USP49: variants seen among roughly 807,000 people sequenced by gnomAD.
USP49 encodes the protein ubiquitin carboxyl-terminal hydrolase 49.
A neutral mutation model predicts 58.6 loss-of-function variants in USP49; 24 were observed. The observed-to-expected ratio is 0.41, with a 90% CI of 0.30 to 0.58. The LOEUF (loss-of-function observed/expected upper bound fraction) is 0.58, where lower values mean the gene tolerates loss of function less well. Ranked by LOEUF, USP49 falls within the 20% of genes least tolerant of loss-of-function variation. USP49 has a pLI of 0.30. For missense variants in USP49, 703 were observed against 866.1 expected (o/e 0.81, Z 2.36); for synonymous variants, 408 against 365.1 (o/e 1.12, Z -1.34).
At chr6:41,877,725 T>C (rs146829494) in intron 2 of USP49, among the ~76,000 whole-genome samples, 1 of 151,904 alleles carries the variant, frequency 6.6e-6, no homozygotes, top group Non-Finnish European at 1.5e-5. Context: ...CACATCCAGG[T>C]AATTTTTGTA....
At chr6:41,892,515 C>T (rs914074730) in intron 1 of USP49, among the ~76,000 whole-genome samples, 9 of 152,258 alleles carry the variant, frequency 5.9e-5, no homozygotes, top group African/African-American at 2.2e-4. Flanking sequence ...CTAAATACAT[C>T]TAGTAACCTT....
At position 41,796,320 on chromosome 6, in the gene USP49, C is replaced by G; in HGVS notation, c.*213G>C. On this transcript the variant is annotated 3_prime_UTR_variant, in exon 8 of 8. Coordinates refer to ENST00000682992, the MANE Select transcript of USP49 (RefSeq NM_001286554.2). ...GAAAGGATCTTCATAGAAGTTACTT[C>G]TTTTGTTTTTAGGAAAGGAGGGAAC... is the stretch of plus-strand genomic sequence containing the variant. 2.1e-6 allele frequency: 1 copy of G among 486,580 alleles called. No homozygotes were observed. 30.1% of individuals were successfully genotyped at this position (486,580 alleles called of 1,614,324 possible).
intron 2 of USP49, among the ~76,000 whole-genome samples, chr6:41,873,732 T>C (rs1334110773): frequency 6.6e-6 from 1 of 152,248 alleles, no homozygotes. Flanking sequence ...AGGACACGTA[T>C]GTAACCATAT....
chr6:41,809,735 G>C (rs1374774472), intron 3 of USP49, among the ~76,000 whole-genome samples: 1 of 152,100 alleles, frequency 6.6e-6, no homozygotes, highest in Non-Finnish European at 1.5e-5. Context: ...GCTGAGGCAG[G>C]AGAATGGCGT....
In USP49 at chr6:41,799,077, CACTTATTT is replaced by C. The variant is rs1772946151; in HGVS notation, c.1671-156_1671-149del. On this transcript the variant is annotated intron_variant, in intron 6 of 7. Transcript: ENST00000682992. ...ATAAAATGGTGGTAATCAATGTTCA[CACTTATTT>C]ATTTATTTATTTATTTATTTATTTA... 7 of 621,940 alleles carry C rather than the reference CACTTATTT, an allele frequency of 1.1e-5. No homozygotes were observed. The East Asian group carries it at 1.5e-4, about 13-fold the overall frequency. The allele number at this position is 621,940 out of a possible 1,614,324, so 38.5% of individuals were successfully genotyped here.
intron 3 of USP49, 34 bp from the exon 4 acceptor site, chr6:41,807,045 AAAAG>A (rs978606314): frequency 3.0e-6 from 4 of 1,333,242 alleles, no homozygotes; most frequent in African/African-American, 3.0e-5. Context: ...AAGAAAAAGA[AAAAG>A]AAAACACTTT....
At chr6:41,811,589 A>G (rs1401833571) in intron 3 of USP49, among the ~76,000 whole-genome samples, 1 of 152,150 alleles carries the variant, frequency 6.6e-6, no homozygotes, top group African/African-American at 2.4e-5. Context: ...GAGATTATGT[A>G]TATTTCTGTT....
chr6:41,851,952 C>CAAAAAAAAAA (rs67716441), intron 3 of USP49, among the ~76,000 whole-genome samples: 23 of 54,870 alleles, frequency 4.2e-4, no homozygotes, highest in African/African-American at 5.6e-4. Flanking sequence ...AGACTCGTCT[C>CAAAAAAAAAA]AAAAAAAAAA....
intron 3 of USP49, among the ~76,000 whole-genome samples, chr6:41,828,142 A>G (rs1773573493): frequency 6.6e-6 from 1 of 152,126 alleles, no homozygotes; most frequent in South Asian, 2.1e-4. Context: ...AACTTACCAA[A>G]ACTAATAAGA....
At chr6:41,884,538 G>A (rs956738206) in intron 2 of USP49, among the ~76,000 whole-genome samples, 35 of 152,230 alleles carry the variant, frequency 2.3e-4, no homozygotes, top group African/African-American at 8.2e-4. Context: ...ATTAGAGAGT[G>A]TGCCTGTGAG....
intron 3 of USP49, among the ~76,000 whole-genome samples, chr6:41,807,934 C>A (rs1347861715): frequency 6.6e-6 from 1 of 151,792 alleles, no homozygotes; most frequent in Non-Finnish European, 1.5e-5. Context: ...CACCACCACA[C>A]CCGGCTAATT....
At chr6:41,841,745 C>T (rs1051986509) in intron 3 of USP49, among the ~76,000 whole-genome samples, 3 of 152,094 alleles carry the variant, frequency 2.0e-5, no homozygotes, top group Non-Finnish European at 4.4e-5. Context: ...ACAACAACAA[C>T]GCACAGTTCC....
At chr6:41,862,704 G>A (rs1355365247) in intron 3 of USP49, among the ~76,000 whole-genome samples, 1 of 152,078 alleles carries the variant, frequency 6.6e-6, no homozygotes, top group Non-Finnish European at 1.5e-5. Flanking sequence ...AAAAAACAGA[G>A]GAATACAGAA....
At chr6:41,840,907 A>G (rs1403452154) in intron 3 of USP49, among the ~76,000 whole-genome samples, 2 of 152,052 alleles carry the variant, frequency 1.3e-5, no homozygotes, top group African/African-American at 4.8e-5. Flanking sequence ...AGTCCTAGCT[A>G]TGCAGGATGA....
At chr6:41,885,928 C>T (rs147825611) in intron 2 of USP49, among the ~76,000 whole-genome samples, 1 of 152,304 alleles carries the variant, frequency 6.6e-6, no homozygotes, top group African/African-American at 2.4e-5. Flanking sequence ...ATGAGACTGA[C>T]GTCTTCATTA....
chr6:41,877,609 C>A (rs1347967018), intron 2 of USP49, among the ~76,000 whole-genome samples: 1 of 149,166 alleles, frequency 6.7e-6, no homozygotes, highest in Non-Finnish European at 1.5e-5. Context: ...GTTGCCCAGG[C>A]TAGAGGGTAG....
intron 3 of USP49, among the ~76,000 whole-genome samples, chr6:41,822,764 G>C (rs1054038787): frequency 6.7e-6 from 1 of 150,274 alleles, no homozygotes; most frequent in Admixed American, 6.6e-5. Flanking sequence ...AGAATCGCTT[G>C]AGCCGAGATC....
intron 3 of USP49, among the ~76,000 whole-genome samples, chr6:41,842,695 A>G (rs1028653437): frequency 1.3e-5 from 2 of 152,126 alleles, no homozygotes; most frequent in African/African-American, 4.8e-5. Flanking sequence ...AATTACTGCA[A>G]AAGTCAGCCA....
In USP49 at chr6:41,806,753, G is replaced by GT. The variant is rs1773142947; in HGVS notation, c.230dup (p.Tyr77Ter). The GT allele has an allele frequency of 6.2e-7, 1 of 1,614,228 alleles. No homozygotes were observed. Among genetic ancestry groups the GT allele is most frequent in the Non-Finnish European group, 8.5e-7 (1 of 1,180,032 alleles). The change falls in exon 4 of 8, where the codon TAC becomes TAAC. Residue 77 changes from tyrosine to a stop codon, truncating the protein, a stop_gained and frameshift_variant. Coordinates refer to ENST00000682992, the MANE Select transcript of USP49 (RefSeq NM_001286554.2). LOFTEE classifies it high-confidence loss of function. The surrounding 1 kb of genome is among the most constrained non-coding windows in gnomAD (Gnocchi z 5.9). The part of the protein sequence containing the change: ...MEVRDLYVFC[Y>*]LCKDYVLNDN... ...CATTGAGCACGTAGTCCTTGCACAG[G>GT]TAACAGAACACGTAGAGATCCCGGA...
Sources: gnomAD v4.1 joint callset for allele counts (sites outside exome capture counted in the v4.1 genomes callset) on GRCh38, gnomAD v4.1.1 for gene constraint, Gnocchi (gnomAD v3.1) non-coding constraint, MANE v1.5 for transcripts, NCBI Gene and HGNC (gene_info 2026-07-23, HGNC 2026-07-21) for gene names.